Variants in CELA2B observed in about 807,000 individuals in gnomAD.
The protein encoded by CELA2B is chymotrypsin-like elastase family member 2B.
In CELA2B, 27 loss-of-function variants were observed where a neutral mutation model predicts 36.5. The observed-to-expected ratio is 0.74, with a 90% CI of 0.55 to 1.02. The LOEUF is 1.02. Ranked by LOEUF, CELA2B falls within the 50% of genes least tolerant of loss-of-function variation. The pLI is 0.00. For synonymous variants in CELA2B, 143 were observed against 148.5 expected, an observed-to-expected ratio of 0.96 and a Z score of 0.27; for missense variants, 340 against 347.8, an observed-to-expected ratio of 0.98 and a Z score of 0.18.
intron 2 of CELA2B, among the ~76,000 whole-genome samples, chr1:15,476,842 C>T (rs914589450): frequency 6.6e-6 from 1 of 152,016 alleles, no homozygotes; most frequent in African/African-American, 2.4e-5. Context: ...ATTAGCCAAG[C>T]ACAGTGGCAC....
At chr1:15,487,942 C>T (rs1256800621) in intron 7 of CELA2B, among the ~76,000 whole-genome samples, 2 of 151,118 alleles carry the variant, frequency 1.3e-5, no homozygotes, top group Admixed American at 1.3e-4. Context: ...CTGTTTTACA[C>T]TGGGACCATC....
intron 6 of CELA2B, 48 bp downstream of exon 6, chr1:15,486,094 G>C: frequency 1.1e-5 from 18 of 1,597,764 alleles, no homozygotes; most frequent in Non-Finnish European, 1.5e-5. Context: ...AATGTGGCTG[G>C]GGATGGGAAG....
At position 15,487,390 on chromosome 1, in the gene CELA2B, C is replaced by T. The variant is rs769624044; in HGVS notation, c.745C>T (p.Pro249Ser). The change falls in exon 7 of 8, where the codon CCC becomes TCC. Residue 249 changes from proline to serine, a missense_variant. Transcript: ENST00000375910. ...CCTTGGTTGCAACTACTACTACAAG[C>T]CCTCCATCTTCACGCGGGTCTCCAA... ...SVLGCNYYYK[P>S]SIFTRVSNYN... 1 of 1,614,114 alleles carries T rather than the reference C, an allele frequency of 6.2e-7. No individual in the cohort carries two copies. Among genetic ancestry groups the T allele is most frequent in the African/African-American group, 1.3e-5 (1 of 74,932 alleles).
At chr1:15,487,253 C>G (rs1708815274) in intron 6 of CELA2B, 32 bp from the exon 7 acceptor site, 1 of 1,606,764 alleles carries the variant, frequency 6.2e-7, no homozygotes. Flanking sequence ...CTTCCTCCCA[C>G]TTCAACTCCC....
intron 3 of CELA2B, 99 bp downstream of exon 3, chr1:15,481,294 T>G (rs1708739663): frequency 1.4e-6 from 2 of 1,416,850 alleles, no homozygotes; most frequent in African/African-American, 2.8e-5. Context: ...TGAAGTAACC[T>G]TGCAAATAAC....
At chr1:15,490,260 A>ATC (rs1557528348) in intron 7 of CELA2B, among the ~76,000 whole-genome samples, 57 of 110,492 alleles carry the variant, frequency 5.2e-4, no homozygotes, top group South Asian at 1.7e-3. Flanking sequence ...ATCTATCTAT[A>ATC]TACACACACA....
intron 7 of CELA2B, 93 bp from the exon 8 acceptor site, chr1:15,491,202 T>C: frequency 2.7e-6 from 4 of 1,478,014 alleles, no homozygotes; most frequent in Non-Finnish European, 3.8e-6. Context: ...CTCACTTGAG[T>C]AGCTTAGCCC....
chr1:15,487,863 C>T (rs1298057612), intron 7 of CELA2B, among the ~76,000 whole-genome samples: 1 of 152,198 alleles, frequency 6.6e-6, no homozygotes, highest in African/African-American at 2.4e-5. Flanking sequence ...GGTCCTCCAG[C>T]TATTCTGTAG....
Position 15,486,472 on chromosome 1 carries a change from C to CA in CELA2B, c.639+435dup, listed in dbSNP as rs199502611. Among the ~76,000 whole-genome samples the CA allele has an allele frequency of 3.0e-3, 452 of 150,366 alleles. 5 individuals carry two copies. The highest frequency in any genetic ancestry group is 0.01 in the African/African-American group (421 of 40,996). The stretch of plus-strand genomic sequence containing the variant: ...CCAGCCTGGGTGACAGAGTGAAACT[C>CA]AAAAAAAAACCTGACCTTGTTCTTG... On this transcript the variant is annotated intron_variant, in intron 6 of 7. Transcript: ENST00000375910.
chr1:15,482,293 G>A lies in CELA2B; in HGVS notation c.256G>A (p.Gly86Ser), dbSNP rs775219814. The change falls in exon 4 of 8, where the codon GGC becomes AGC. Residue 86 changes from glycine (G) to serine (S), a missense_variant. Transcript: ENST00000375910. ...CTCCGGGATCTACCGCGTGATGCTG[G>A]GCCAGCATAACCTCTACGTTGCAGA... ...SSSGIYRVML[G>S]QHNLYVAESG... is the part of the protein sequence containing the mutation. The A allele has an allele frequency of 1.2e-6, 2 of 1,614,010 alleles. No homozygotes were observed. The highest frequency in any genetic ancestry group is 2.2e-5 in the East Asian group (1 of 44,868).
intron 2 of CELA2B, 96 bp downstream of exon 2, chr1:15,476,641 GT>G: frequency 8.3e-7 from 1 of 1,205,190 alleles, no homozygotes; most frequent in Non-Finnish European, 1.2e-6. Context: ...TGCTGGCAAA[GT>G]TAGGATTGAT....
At chr1:15,485,875 A>T (rs1453089767) in intron 5 of CELA2B, 26 bp from the exon 6 acceptor site, 1 of 1,613,238 alleles carries the variant, frequency 6.2e-7, no homozygotes, top group East Asian at 2.2e-5. Flanking sequence ...CTGCGTCCCT[A>T]ATGGCTTCTC....
intron 5 of CELA2B, among the ~76,000 whole-genome samples, chr1:15,485,210 T>C (rs1156332132): frequency 1.3e-5 from 2 of 152,150 alleles, no homozygotes; most frequent in East Asian, 3.9e-4. Context: ...TTAACTTCCC[T>C]TGGCTTCAAT....
chr1:15,485,536 C>T (rs949708478), intron 5 of CELA2B, among the ~76,000 whole-genome samples: 1 of 152,252 alleles, frequency 6.6e-6, no homozygotes, highest in Non-Finnish European at 1.5e-5. Flanking sequence ...TCAGGAAACA[C>T]TCACTGAGAA....
chr1:15,481,054 C>T, intron 2 of CELA2B, 44 bp from the exon 3 acceptor site: 1 of 1,608,054 alleles, frequency 6.2e-7, no homozygotes, highest in Non-Finnish European at 8.5e-7. Flanking sequence ...TGCAGGGAGG[C>T]CCTGCTTTTT....
chr1:15,481,226 C>T (rs377665483), intron 3 of CELA2B, 31 bp downstream of exon 3: 477 of 1,613,336 alleles, frequency 3.0e-4, no homozygotes, highest in Non-Finnish European at 3.6e-4. Context: ...GCTTGGCCTG[C>T]TCACCAGCCG....
intron 2 of CELA2B, among the ~76,000 whole-genome samples, chr1:15,480,007 C>T (rs571724938): frequency 6.6e-6 from 1 of 151,946 alleles, no homozygotes; most frequent in Non-Finnish European, 1.5e-5. Flanking sequence ...AAAGGGGGAG[C>T]CACTGGAGAG....
At position 15,491,323 on chromosome 1, in the gene CELA2B, T is replaced by G. The variant is rs376980242; in HGVS notation, c.*11T>G. On this transcript the variant is annotated 3_prime_UTR_variant, in exon 8 of 8. Coordinates refer to ENST00000375910, the MANE Select transcript of CELA2B (RefSeq NM_015849.3). Reference sequence around the variant, plus strand: ...ATTGCAAATAACTAACCAAAAGAAGTCCCTGGGACTGTTTCAGACTTGGAA... The same window carrying G: ...ATTGCAAATAACTAACCAAAAGAAGGCCCTGGGACTGTTTCAGACTTGGAA... The G allele has an allele frequency of 3.7e-6, 6 of 1,613,950 alleles. No individual in the cohort carries two copies. Among genetic ancestry groups the G allele is most frequent in the Non-Finnish European group, 8.5e-7 (1 of 1,179,978 alleles).
chr1:15,487,080 C>A (rs1179731299), intron 6 of CELA2B, among the ~76,000 whole-genome samples: 1 of 152,180 alleles, frequency 6.6e-6, no homozygotes, highest in African/African-American at 2.4e-5. Context: ...TGAGATGAGG[C>A]ATAGAACATG....
Sources: gnomAD v4.1 joint callset for allele counts (sites outside exome capture counted in the v4.1 genomes callset) on GRCh38, gnomAD v4.1.1 for gene constraint, MANE v1.5 for transcripts, NCBI Gene and HGNC (gene_info 2026-07-23, HGNC 2026-07-21) for gene names.